Variants in PTPRD observed in about 807,000 individuals in gnomAD.
PTPRD encodes receptor-type tyrosine-protein phosphatase delta.
Under a neutral mutation model 214.5 loss-of-function variants are expected in PTPRD, and 34 were observed. The observed-to-expected ratio is 0.16, with a 90% CI of 0.12 to 0.21. The LOEUF (loss-of-function observed/expected upper bound fraction) is 0.21. Among genes scored for constraint, PTPRD ranks in the 10% least tolerant of loss-of-function variants. The probability of loss-of-function intolerance (pLI) is 1.00; values close to 1 mark genes in which losing one functional copy is unlikely to be tolerated. For missense variants in PTPRD, 2,545 were observed against 2,398.7 expected, an observed-to-expected ratio of 1.06 and a Z score of -1.27; for synonymous variants, 1,128 against 845.7, an observed-to-expected ratio of 1.33 and a Z score of -5.79.
rs71321214 is a variant in PTPRD at position 10,018,538 on chromosome 9, C to CTTT, written c.-472+15177_-472+15179dup. Among the ~76,000 whole-genome samples, 85 of 71,118 alleles carry CTTT rather than the reference C, an allele frequency of 1.2e-3. 19 individuals carry two copies. The highest frequency in any genetic ancestry group is 2.3e-3 in the African/African-American group (49 of 21,206). 46.7% of individuals were successfully genotyped at this position (71,118 alleles called of 152,430 possible). On this transcript the variant is annotated intron_variant, in intron 4 of 45. Coordinates refer to ENST00000381196, the MANE Select transcript of PTPRD (RefSeq NM_002839.4). The stretch of plus-strand genomic sequence containing the variant: ...AATGATTTATTTAAGAATTACATTT[C>CTTT]TTTTTTTTTTTTTTTTTTTTTTTTT...
Position 10,473,705 on chromosome 9 carries a change from G to T in PTPRD, c.-599-132688C>A, listed in dbSNP as rs193296847. 1.6e-3 allele frequency among the ~76,000 whole-genome samples: 250 copies of T among 152,112 alleles called. 2 individuals are homozygous for T. The highest frequency in any genetic ancestry group is 5.7e-3 in the African/African-American group (235 of 41,536). ...TCCTTCCAAACAGAAATAAATAAAT[G>T]AAAGTGTTCAGTGATCCTAACATTT... On this transcript the variant is annotated intron_variant, in intron 2 of 45. Coordinates refer to ENST00000381196, the MANE Select transcript of PTPRD (RefSeq NM_002839.4).
intron 9 of PTPRD, among the ~76,000 whole-genome samples, chr9:9,200,121 T>C (rs779504614): frequency 6.6e-6 from 1 of 152,222 alleles, no homozygotes; most frequent in Non-Finnish European, 1.5e-5. Flanking sequence ...AAGTTGCCTC[T>C]GCTCCTACTG....
intron 21 of PTPRD, among the ~76,000 whole-genome samples, chr9:8,510,391 T>A (rs2097653220): frequency 6.6e-6 from 1 of 152,168 alleles, no homozygotes; most frequent in Admixed American, 6.5e-5. Context: ...GAAGGCCATA[T>A]GGGGCCTGGG....
chr9:8,643,871 G>T (rs560144025), intron 12 of PTPRD, among the ~76,000 whole-genome samples: 1 of 152,196 alleles, frequency 6.6e-6, no homozygotes, highest in African/African-American at 2.4e-5. Context: ...AGGCAGACAG[G>T]CTCCTGGGCA....
At chr9:9,309,553 G>C (rs866320775) in intron 9 of PTPRD, among the ~76,000 whole-genome samples, 1 of 152,064 alleles carries the variant, frequency 6.6e-6, no homozygotes, top group Non-Finnish European at 1.5e-5. Flanking sequence ...ATACAGCCAG[G>C]ATGCATTTCT....
chr9:10,399,688 C>G (rs766713301), intron 2 of PTPRD, among the ~76,000 whole-genome samples: 1 of 151,816 alleles, frequency 6.6e-6, no homozygotes, highest in Non-Finnish European at 1.5e-5. Flanking sequence ...GAGGTGACAT[C>G]TGAACTAGTT....
chr9:10,403,574 A>C (rs1171164084), intron 2 of PTPRD, among the ~76,000 whole-genome samples: 1 of 151,456 alleles, frequency 6.6e-6, no homozygotes, highest in East Asian at 2.0e-4. Flanking sequence ...TAACAGAACT[A>C]AACACACTCT....
intron 36 of PTPRD, among the ~76,000 whole-genome samples, chr9:8,395,690 G>A (rs1429604778): frequency 6.6e-6 from 1 of 151,844 alleles, no homozygotes; most frequent in African/African-American, 2.4e-5. Flanking sequence ...CCCACAGTGA[G>A]CTAATGGAGA....
intron 3 of PTPRD, among the ~76,000 whole-genome samples, chr9:10,195,231 C>T (rs1386198675): frequency 1.3e-5 from 2 of 151,564 alleles, no homozygotes; most frequent in South Asian, 2.1e-4. Context: ...TGTACAATGC[C>T]AGGCATGAGC....
At chr9:10,044,183 T>C (rs774838422) in intron 3 of PTPRD, among the ~76,000 whole-genome samples, 10 of 150,886 alleles carry the variant, frequency 6.6e-5, no homozygotes, top group Admixed American at 6.0e-4. Context: ...ATTCTCCCTA[T>C]AATTGTGTTT....
intron 10 of PTPRD, among the ~76,000 whole-genome samples, chr9:9,098,223 C>T (rs2099786457): frequency 6.6e-6 from 1 of 152,034 alleles, no homozygotes; most frequent in African/African-American, 2.4e-5. Flanking sequence ...TCTCTTGCCT[C>T]CTATTTTTGA....
At chr9:9,201,560 A>T (rs899961208) in intron 9 of PTPRD, among the ~76,000 whole-genome samples, 5 of 151,172 alleles carry the variant, frequency 3.3e-5, no homozygotes, top group Non-Finnish European at 7.4e-5. Flanking sequence ...CTTGGTGATT[A>T]AAAAAAAACA....
At chr9:9,476,746 AT>A (rs1340004932) in intron 8 of PTPRD, among the ~76,000 whole-genome samples, 1 of 151,880 alleles carries the variant, frequency 6.6e-6, no homozygotes, top group African/African-American at 2.4e-5. Flanking sequence ...TTTATTTTTT[AT>A]TTTTTTGCGA....
intron 3 of PTPRD, among the ~76,000 whole-genome samples, chr9:10,325,364 G>A (rs2096624797): frequency 6.6e-6 from 1 of 151,904 alleles, no homozygotes; most frequent in Admixed American, 6.6e-5. Context: ...CCCCATTCTG[G>A]CCATATCTCT....
At chr9:8,819,403 C>T (rs1441741384) in intron 11 of PTPRD, among the ~76,000 whole-genome samples, 1 of 152,086 alleles carries the variant, frequency 6.6e-6, no homozygotes, top group African/African-American at 2.4e-5. Context: ...TGGCTCACAC[C>T]TGTAATCCCA....
At chr9:10,348,229 C>CA (rs1397843032) in intron 2 of PTPRD, among the ~76,000 whole-genome samples, 1 of 152,048 alleles carries the variant, frequency 6.6e-6, no homozygotes, top group African/African-American at 2.4e-5. Flanking sequence ...TTTTTTAAGG[C>CA]AATGTTAGGA....
intron 2 of PTPRD, among the ~76,000 whole-genome samples, chr9:10,478,974 A>T (rs546408404): frequency 6.6e-6 from 1 of 152,114 alleles, no homozygotes; most frequent in African/African-American, 2.4e-5. Context: ...AATATTAATA[A>T]TTGAATAAAA....
intron 2 of PTPRD, among the ~76,000 whole-genome samples, chr9:10,505,001 C>G (rs116702333): frequency 4.2e-4 from 64 of 152,272 alleles, no homozygotes; most frequent in African/African-American, 1.5e-3. Flanking sequence ...TTTTGAACTG[C>G]TCAAACACCA....
chr9:10,149,698 T>A (rs1299890102), intron 3 of PTPRD, among the ~76,000 whole-genome samples: 1 of 152,064 alleles, frequency 6.6e-6, no homozygotes, highest in African/African-American at 2.4e-5. Context: ...ACAATTCAAA[T>A]GAATGGTCTG....
Sources: allele counts gnomAD v4.1 joint callset (sites outside exome capture counted in the v4.1 genomes callset), GRCh38; gene constraint gnomAD v4.1.1; transcripts MANE v1.5; gene names NCBI Gene and HGNC (gene_info 2026-07-23, HGNC 2026-07-21).